Variants in PGAP1 observed in about 807,000 individuals in gnomAD.
The protein encoded by PGAP1 is post-GPI attachment to proteins inositol deacylase 1.
A neutral mutation model predicts 127.0 loss-of-function variants in PGAP1; 76 were observed. The ratio of observed to expected loss-of-function variants is 0.60; its 90% CI spans 0.50 to 0.72. The LOEUF is 0.72. PGAP1 is among the 30% of genes least tolerant of loss of function. The pLI is 0.00. For missense variants in PGAP1, 982 were observed against 1,071.3 expected (o/e 0.92, Z 1.16); for synonymous variants, 362 against 366.5 (o/e 0.99, Z 0.14).
chr2:196,921,374 C>A (rs1250227538), intron 1 of PGAP1, among the ~76,000 whole-genome samples: 4 of 152,084 alleles, frequency 2.6e-5, no homozygotes. Flanking sequence ...GAAATACTAA[C>A]CCCACTATTC....
At chr2:196,858,765 T>C (rs1700972509) in intron 20 of PGAP1, among the ~76,000 whole-genome samples, 1 of 151,848 alleles carries the variant, frequency 6.6e-6, no homozygotes. Flanking sequence ...ATCAACAAAA[T>C]AAAAAGTTGC....
chr2:196,918,156 T>A (rs1451536096), intron 2 of PGAP1, among the ~76,000 whole-genome samples: 2 of 152,196 alleles, frequency 1.3e-5, no homozygotes, highest in South Asian at 2.1e-4. Context: ...CCAGAGCAAC[T>A]TTTTTTAAAA....
In PGAP1 at chr2:196,844,006, G is replaced by A. The variant is rs556240126; in HGVS notation, c.2407C>T (p.Arg803Cys). The A allele has an allele frequency of 2.4e-5, 39 of 1,608,078 alleles. No homozygotes were observed. The highest frequency in any genetic ancestry group is 2.0e-4 in the African/African-American group (15 of 74,966). Residue 803 changes from arginine to cysteine, a missense_variant, in exon 25 of 27, where the codon CGT becomes TGT. Physicochemically the swap from Arg to Cys is radical, Grantham distance 180. Transcript: ENST00000354764. ...TCTTCAGCATCGTTGGCAGATAAACGAAGATGGTGTATTGAGGAGTCTTTA... is the reference window on the plus strand; with the variant it reads ...TCTTCAGCATCGTTGGCAGATAAACAAAGATGGTGTATTGAGGAGTCTTTA... ...HHKDSSIHHL[R>C]LSANDAEDSL...
rs746065178 is a variant in PGAP1, at chr2:196,834,269, A to T, written c.*6965T>A. 1 of 152,200 alleles carries T rather than the reference A, an allele frequency of 6.6e-6. No individual in the cohort carries two copies. Among genetic ancestry groups the T allele is most frequent in the African/African-American group, 2.4e-5 (1 of 41,458 alleles). 9.4% of individuals were successfully genotyped at this position (152,200 alleles called of 1,614,324 possible). On this transcript the variant is annotated 3_prime_UTR_variant, in exon 27 of 27. Coordinates refer to ENST00000354764, the MANE Select transcript of PGAP1 (RefSeq NM_024989.4). ...TAAGTCTACTTTAATTCAAAATGAG[A>T]ACTCTGAAAATTAAGGGAGGCCTCT...
In PGAP1 at chr2:196,835,300, A is replaced by G. The variant is rs538437767; in HGVS notation, c.*5934T>C. ...CTGTGAAACATGTGACTATATAAAG[A>G]GACTGAATGGAAATACATAAAAAAC... On this transcript the variant is annotated 3_prime_UTR_variant, in exon 27 of 27. Coordinates refer to ENST00000354764, the MANE Select transcript of PGAP1 (RefSeq NM_024989.4). The G allele has an allele frequency of 9.9e-5, 15 of 152,142 alleles. No individual in the cohort carries two copies. The highest frequency in any genetic ancestry group is 1.8e-4 in the Non-Finnish European group (12 of 67,872). 9.4% of individuals were successfully genotyped at this position (152,142 alleles called of 1,614,324 possible).
At chr2:196,898,961 T>C (rs114766360) in intron 5 of PGAP1, among the ~76,000 whole-genome samples, 1 of 151,250 alleles carries the variant, frequency 6.6e-6, no homozygotes, top group Non-Finnish European at 1.5e-5. Flanking sequence ...CTAGGATGTA[T>C]ACAACTAGTA....
chr2:196,884,082 A>C (rs1701817448), intron 12 of PGAP1, among the ~76,000 whole-genome samples: 1 of 152,186 alleles, frequency 6.6e-6, no homozygotes. Flanking sequence ...TAATATAAAA[A>C]TTTTATGATT....
chr2:196,878,311 T>TA (rs1194553127), intron 13 of PGAP1, among the ~76,000 whole-genome samples: 1 of 152,148 alleles, frequency 6.6e-6, no homozygotes, highest in Non-Finnish European at 1.5e-5. Flanking sequence ...CTTACACACT[T>TA]AGTCTTAAGG....
Position 196,902,682 on chromosome 2 carries a change from G to A in PGAP1, c.710C>T (p.Thr237Ile). Residue 237 changes from threonine (T) to isoleucine (I), a missense_variant, in exon 5 of 27, where the codon ACA becomes ATA. Transcript: ENST00000354764. ...ILNARHINLTTLSVAGGFRDY... is the reference protein window; with the variant it reads ...ILNARHINLTILSVAGGFRDY... ...CCGGAATCCTCCAGCTACAGAAAGT[G>A]TGGTTAAATTTATGTGTCGAGCATT... 1 of 1,612,426 alleles carries A rather than the reference G, an allele frequency of 6.2e-7. No individual in the cohort carries two copies. The highest frequency in any genetic ancestry group is 8.5e-7 in the Non-Finnish European group (1 of 1,178,508).
chr2:196,885,239 T>C (rs1701860302), intron 12 of PGAP1, among the ~76,000 whole-genome samples, 185 bp downstream of exon 12: 1 of 152,204 alleles, frequency 6.6e-6, no homozygotes, highest in Non-Finnish European at 1.5e-5. Context: ...AAAATATAAA[T>C]AACACTAATT....
chr2:196,858,829 A>G (rs900219583), intron 20 of PGAP1, among the ~76,000 whole-genome samples: 2 of 152,202 alleles, frequency 1.3e-5, no homozygotes, highest in African/African-American at 4.8e-5. Flanking sequence ...TAAGAAAAAA[A>G]GAGAGAAGAT....
Position 196,872,980 on chromosome 2 carries a change from T to G in PGAP1, c.1599A>C (p.Glu533Asp). 9.2e-7 allele frequency: 1 copy of G among 1,082,472 alleles called. No homozygotes were observed. 67.1% of individuals were successfully genotyped at this position (1,082,472 alleles called of 1,614,324 possible). Residue 533 changes from glutamate (E) to aspartate (D), a missense_variant, in exon 17 of 27, where the codon GAA becomes GAC. Glu to Asp is a conservative substitution (Grantham distance 45). Transcript: ENST00000354764. ...IYRLHIPWSY[E>D]DSLTIAQAPS... is the part of the protein sequence containing the mutation. ...CTTACTGTGCAATGGTTAGTGAATC[T>G]TCATAAGACCAAGGAATATGAAGTC...
At chr2:196,851,555 C>A (rs1383918317) in intron 20 of PGAP1, among the ~76,000 whole-genome samples, 11 of 152,092 alleles carry the variant, frequency 7.2e-5, no homozygotes, top group Admixed American at 2.6e-4. Context: ...ACATTATTTT[C>A]TTTTAGAGAG....
intron 2 of PGAP1, among the ~76,000 whole-genome samples, chr2:196,918,786 G>T (rs1703093335): frequency 6.6e-6 from 1 of 152,116 alleles, no homozygotes; most frequent in Admixed American, 6.5e-5. Context: ...CTTGACTAGG[G>T]TTTTGGTTTC....
At chr2:196,860,568 AT>A (rs1316708049) in intron 20 of PGAP1, among the ~76,000 whole-genome samples, 3 of 152,210 alleles carry the variant, frequency 2.0e-5, no homozygotes, top group South Asian at 2.1e-4. Context: ...AACAAAAAAA[AT>A]AAATCAAGAG....
Position 196,835,927 on chromosome 2 carries a change from T to C in PGAP1, c.*5307A>G, listed in dbSNP as rs552037992. ...TTGAACAGTTAATAGCTCTACGTGT[T>C]ATCTATAAACATTTTTTACTAGTAA... On this transcript the variant is annotated 3_prime_UTR_variant, in exon 27 of 27. Transcript: ENST00000354764. The C allele has an allele frequency of 1.1e-3, 161 of 152,214 alleles. No individual in the cohort carries two copies. The highest frequency in any genetic ancestry group is 3.5e-3 in the African/African-American group (144 of 41,564). 9.4% of individuals were successfully genotyped at this position (152,214 alleles called of 1,614,324 possible).
At chr2:196,888,901 CAA>C (rs1400733774) in intron 10 of PGAP1, among the ~76,000 whole-genome samples, 1 of 151,488 alleles carries the variant, frequency 6.6e-6, no homozygotes, top group Non-Finnish European at 1.5e-5. Context: ...ATTTTTCAGT[CAA>C]AAAAAGTGTA....
chr2:196,847,226 CA>C, intron 21 of PGAP1, 26 bp from the exon 22 acceptor site: 2 of 1,538,724 alleles, frequency 1.3e-6, no homozygotes, highest in Non-Finnish European at 1.8e-6. Context: ...AATATAAAAG[CA>C]AAAAACCCAA....
intron 5 of PGAP1, among the ~76,000 whole-genome samples, chr2:196,898,920 T>C (rs1188172999): frequency 6.8e-6 from 1 of 147,862 alleles, no homozygotes; most frequent in African/African-American, 2.5e-5. Flanking sequence ...CAGGGTTATA[T>C]ATTTTGAAAA....
Sources: gnomAD v4.1 joint callset for allele counts (sites outside exome capture counted in the v4.1 genomes callset) on GRCh38, gnomAD v4.1.1 for gene constraint, MANE v1.5 for transcripts, NCBI Gene and HGNC (gene_info 2026-07-23, HGNC 2026-07-21) for gene names.